The following APOA1 variants were observed in gnomAD, a reference collection of about 807,000 sequenced individuals.
APOA1 encodes the protein apolipoprotein A1.
APOA1 carries 22 observed loss-of-function variants against 25.9 expected under a neutral mutation model. The observed-to-expected ratio is 0.85, with a 90% CI of 0.61 to 1.21. The LOEUF is 1.21. Ranked by LOEUF, APOA1 falls within the 50% of genes most tolerant of loss-of-function variation. The pLI is 0.00. For synonymous variants in APOA1, 163 were observed against 152.2 expected (o/e 1.07, Z -0.52); for missense variants, 351 against 347.9 (o/e 1.01, Z -0.07).
At position 116,837,619 on chromosome 11, in the gene APOA1, C is replaced by T. The variant is rs563005045; in HGVS notation, c.-35G>A. On this transcript the variant is annotated 5_prime_UTR_variant, in exon 1 of 4. Transcript: ENST00000236850. ...GCAGGACGCACCTCCTTCTCGCAGT[C>T]TCTAAGCAGCCAGCTCTTGCAGGGC... The T allele has an allele frequency of 1.6e-4, 99 of 607,186 alleles. No individual in the cohort carries two copies. Among genetic ancestry groups the T allele is most frequent in the South Asian group, 1.6e-3 (82 of 50,628 alleles). The allele number at this position is 607,186 out of a possible 1,614,324, so 37.6% of individuals were successfully genotyped here. A position where few individuals can be genotyped will look rare whatever the true frequency, so the allele number is the denominator to read the frequency against.
intron 3 of APOA1, 58 bp downstream of exon 3, chr11:116,836,943 A>G (rs1941564614): frequency 1.3e-6 from 2 of 1,589,914 alleles, no homozygotes; most frequent in Non-Finnish European, 1.7e-6. Flanking sequence ...TGGCTTCAAC[A>G]TCATCCCACA....
In APOA1 at chr11:116,836,385, C is replaced by T. The variant is rs1226109269; in HGVS notation, c.227G>A (p.Ser76Asn). 1.3e-5 allele frequency: 21 copies of T among 1,613,952 alleles called. No individual in the cohort carries two copies. The highest frequency in any genetic ancestry group is 1.8e-5 in the Non-Finnish European group (21 of 1,180,044). Reference sequence around the variant, plus strand: ...CAGCTTGCTGAAGGTGGAGGTCACGCTGTCCCAGTTGTCAAGGAGCTTTAG... The same window carrying T: ...CAGCTTGCTGAAGGTGGAGGTCACGTTGTCCCAGTTGTCAAGGAGCTTTAG... The part of the protein sequence containing the change: ...LNLKLLDNWD[S>N]VTSTFSKLRE... Residue 76 changes from serine to asparagine, a missense_variant, in exon 4 of 4, where the codon AGC becomes AAC. Coordinates refer to ENST00000236850, the MANE Select transcript of APOA1 (RefSeq NM_000039.3).
Position 116,835,950 on chromosome 11 carries a change from G to C in APOA1, c.662C>G (p.Thr221Ser), listed in dbSNP as rs200394039. ...CTCGCTGAGCGTGCTCAGATGCTCG[G>C]TGGCCTTGGCGTGGTACTCGGCCAG... ...ARLAEYHAKA[T>S]EHLSTLSEKA... Residue 221 changes from threonine (T) to serine (S), a missense_variant, in exon 4 of 4, where the codon ACC (threonine) becomes AGC (serine). Physicochemically the swap from Thr to Ser is moderately conservative, Grantham distance 58. Transcript: ENST00000236850. 1.2e-5 allele frequency: 19 copies of C among 1,612,380 alleles called. 1 individual carries two copies. The African/African-American group carries it at 2.0e-4, about 17-fold the overall frequency.
In APOA1 at chr11:116,836,119, G is replaced by A; in HGVS notation, c.493C>T (p.Leu165=). 1 of 1,612,314 alleles carries A rather than the reference G, an allele frequency of 6.2e-7. No homozygotes were observed. Among genetic ancestry groups the A allele is most frequent in the South Asian group, 1.1e-5 (1 of 91,086 alleles). Residue 165 remains leucine, a synonymous_variant, in exon 4 of 4, where the codon CTG becomes TTG. Coordinates refer to ENST00000236850, the MANE Select transcript of APOA1 (RefSeq NM_000039.3). The part of the protein sequence containing the change: ...RQKLHELQEK[L]SPLGEEMRDR... Reference sequence around the variant, plus strand: ...CGCATCTCCTCGCCCAGTGGGCTCAGCTTCTCTTGCAGCTCGTGCAGCTTC... The same window carrying A: ...CGCATCTCCTCGCCCAGTGGGCTCAACTTCTCTTGCAGCTCGTGCAGCTTC...
In APOA1 at chr11:116,836,132, C is replaced by T. The variant is rs769548576; in HGVS notation, c.480G>A (p.Glu160=). 1.9e-6 allele frequency: 3 copies of T among 1,612,940 alleles called. No individual in the cohort carries two copies. The highest frequency in any genetic ancestry group is 2.7e-5 in the African/African-American group (2 of 75,074). The change falls in exon 4 of 4, where the codon GAG becomes GAA. Residue 160 remains glutamate (E), a synonymous_variant. Coordinates refer to ENST00000236850, the MANE Select transcript of APOA1 (RefSeq NM_000039.3). ...CCAGTGGGCTCAGCTTCTCTTGCAG[C>T]TCGTGCAGCTTCTGGCGCGCGCCCT... is the stretch of plus-strand genomic sequence containing the variant. ...LQEGARQKLH[E]LQEKLSPLGE...
Position 116,836,306 on chromosome 11 carries a change from C to A in APOA1, c.306G>T (p.Glu102Asp). The change falls in exon 4 of 4, where the codon GAG becomes GAT. Residue 102 changes from glutamate to aspartate, a missense_variant. Physicochemically the swap from Glu to Asp is conservative, Grantham distance 45. Coordinates refer to ENST00000236850, the MANE Select transcript of APOA1 (RefSeq NM_000039.3). ...TQEFWDNLEK[E>D]TEGLRQEMSK... ...TCATCTCCTGCCTCAGGCCCTCTGT[C>A]TCCTTTTCCAGGTTATCCCAGAACT... The A allele has an allele frequency of 6.2e-7, 1 of 1,614,216 alleles. No homozygotes were observed. Among genetic ancestry groups the A allele is most frequent in the Non-Finnish European group, 8.5e-7 (1 of 1,180,042 alleles).
Position 116,836,220 on chromosome 11 carries a change from T to C in APOA1, c.392A>G (p.Lys131Arg). 3.1e-6 allele frequency: 5 copies of C among 1,613,166 alleles called. No individual in the cohort carries two copies. Among genetic ancestry groups the C allele is most frequent in the Non-Finnish European group, 4.2e-6 (5 of 1,179,216 alleles). ...VQPYLDDFQK[K>R]WQEEMELYRQ... Reference sequence around the variant, plus strand: ...GTAGAGCTCCATCTCCTCCTGCCACTTCTTCTGGAAGTCGTCCAGGTAGGG... The same window carrying C: ...GTAGAGCTCCATCTCCTCCTGCCACCTCTTCTGGAAGTCGTCCAGGTAGGG... The change falls in exon 4 of 4, where the codon AAG becomes AGG. Residue 131 changes from lysine (K) to arginine (R), a missense_variant. By Grantham distance (26) the Lys-to-Arg change is conservative (BLOSUM62 2). Transcript: ENST00000236850.
chr11:116,836,460 C>T, intron 3 of APOA1, 49 bp from the exon 4 acceptor site: 1 of 1,608,164 alleles, frequency 6.2e-7, no homozygotes. Context: ...AGCGCCCCAG[C>T]CTATCAGGGG....
chr11:116,836,505 G>T, intron 3 of APOA1, 94 bp from the exon 4 acceptor site: 3 of 1,515,468 alleles, frequency 2.0e-6, no homozygotes. Context: ...CGGAGGTGCA[G>T]TGGCCTAGCA....
At position 116,836,010 on chromosome 11, in the gene APOA1, C is replaced by A. The variant is rs753109330; in HGVS notation, c.602G>T (p.Arg201Leu). 1 of 1,607,696 alleles carries A rather than the reference C, an allele frequency of 6.2e-7. No individual in the cohort carries two copies. The highest frequency in any genetic ancestry group is 8.5e-7 in the Non-Finnish European group (1 of 1,179,742). ...GCCGTTCTCCTTGAGAGCCTCAAGG[C>A]GCGCGGCCAAGCGCTGGCGCAGCTC... ...SDELRQRLAA[R>L]LEALKENGGA... Residue 201 changes from arginine to leucine, a missense_variant, in exon 4 of 4, where the codon CGC (arginine) becomes CTC (leucine). Transcript: ENST00000236850.
intron 3 of APOA1, 38 bp downstream of exon 3, chr11:116,836,963 C>A (rs1396000632): frequency 1.2e-6 from 2 of 1,610,516 alleles, no homozygotes; most frequent in Non-Finnish European, 1.7e-6. Flanking sequence ...AGGCCTCTGC[C>A]CCCTACCCCT....
chr11:116,837,374 A>G lies in APOA1; in HGVS notation c.14T>C (p.Val5Ala). The G allele has an allele frequency of 6.4e-7, 1 of 1,561,614 alleles. No homozygotes were observed. Among genetic ancestry groups the G allele is most frequent in the Non-Finnish European group, 8.7e-7 (1 of 1,152,268 alleles). Residue 5 changes from valine (V) to alanine (A), a missense_variant, in exon 2 of 4, where the codon GTG becomes GCG. Val to Ala is a moderately conservative substitution (Grantham distance 64). Transcript: ENST00000236850. ...CAGGAAGAGCACGGCCAAGGTCAGC[A>G]CCGCAGCTTTCATCCTGAAGGGCCG... MKAAVLTLAVLFLTG... is the reference protein window; with the variant it reads MKAAALTLAVLFLTG...
intron 3 of APOA1, 116 bp downstream of exon 3, chr11:116,836,885 A>C: frequency 8.2e-7 from 1 of 1,224,768 alleles, no homozygotes; most frequent in South Asian, 1.2e-5. Context: ...CATCCAGACC[A>C]TCTGTGGGGC....
chr11:116,837,000 C>G lies in APOA1; in HGVS notation c.200+1G>C, dbSNP rs1346940669. On this transcript the variant is annotated splice_donor_variant, in intron 3 of 3. Coordinates refer to ENST00000236850, the MANE Select transcript of APOA1 (RefSeq NM_000039.3). LOFTEE classifies it high-confidence loss of function. ...CCCTCAACCCCAGGCTGGGTCCTTA[C>G]TTTAGCTGTTTTCCCAAGGCGGAGC... 1 of 1,614,132 alleles carries G rather than the reference C, an allele frequency of 6.2e-7. No homozygotes were observed.
chr11:116,837,023 A>C lies in APOA1; in HGVS notation c.178T>G (p.Ser60Ala), dbSNP rs199759119. The change falls in exon 3 of 4, where the codon TCC (serine) becomes GCC (alanine). Residue 60 changes from serine to alanine, a missense_variant. Coordinates refer to ENST00000236850, the MANE Select transcript of APOA1 (RefSeq NM_000039.3). Reference protein sequence around the residue: ...GRDYVSQFEGSALGKQLNLKL... With the variant: ...GRDYVSQFEGAALGKQLNLKL... The stretch of plus-strand genomic sequence containing the variant: ...TACTTTAGCTGTTTTCCCAAGGCGG[A>C]GCCTTCAAACTGGGACACATAGTCT... The C allele has an allele frequency of 6.8e-4, 1,103 of 1,614,034 alleles. 2 individuals carry two copies. The highest frequency in any genetic ancestry group is 8.7e-4 in the Non-Finnish European group (1,025 of 1,180,044).
At position 116,835,815 on chromosome 11, in the gene APOA1, G is replaced by C; in HGVS notation, c.797C>G (p.Thr266Ser). The C allele has an allele frequency of 6.2e-7, 1 of 1,613,110 alleles. No individual in the cohort carries two copies. The highest frequency in any genetic ancestry group is 1.3e-5 in the African/African-American group (1 of 75,082). ...GGGGCGGCGGCGGGCGCCTCACTGG[G>C]TGTTGAGCTTCTTAGTGTACTCCTC... ...ALEEYTKKLN[T>S]Q The change falls in exon 4 of 4, where the codon ACC (threonine) becomes AGC (serine). Residue 266 changes from threonine to serine, a missense_variant. Thr to Ser is a moderately conservative substitution (Grantham distance 58, BLOSUM62 1). Transcript: ENST00000236850.
Position 116,835,821 on chromosome 11 carries a change from A to G in APOA1, c.791T>C (p.Leu264Pro). Reference sequence around the variant, plus strand: ...GCGGCGGGCGCCTCACTGGGTGTTGAGCTTCTTAGTGTACTCCTCGAGAGC... The same window carrying G: ...GCGGCGGGCGCCTCACTGGGTGTTGGGCTTCTTAGTGTACTCCTCGAGAGC... ...LSALEEYTKK[L>P]NTQ Residue 264 changes from leucine to proline, a missense_variant, in exon 4 of 4, where the codon CTC becomes CCC. Leu to Pro is a moderately conservative substitution (Grantham distance 98). Coordinates refer to ENST00000236850, the MANE Select transcript of APOA1 (RefSeq NM_000039.3). The G allele has an allele frequency of 1.2e-6, 2 of 1,613,056 alleles. No homozygotes were observed. Among genetic ancestry groups the G allele is most frequent in the Non-Finnish European group, 1.7e-6 (2 of 1,180,008 alleles).
chr11:116,836,093 G>C lies in APOA1; in HGVS notation c.519C>G (p.Arg173=). The C allele has an allele frequency of 6.2e-7, 1 of 1,607,814 alleles. No individual in the cohort carries two copies. Among genetic ancestry groups the C allele is most frequent in the African/African-American group, 1.3e-5 (1 of 74,946 alleles). ...CGTCCACATGGGCGCGCGCGCGGTCGCGCATCTCCTCGCCCAGTGGGCTCA... is the reference window on the plus strand; with the variant it reads ...CGTCCACATGGGCGCGCGCGCGGTCCCGCATCTCCTCGCCCAGTGGGCTCA... The part of the protein sequence containing the change: ...EKLSPLGEEM[R]DRARAHVDAL... Residue 173 remains arginine, a synonymous_variant, in exon 4 of 4, where the codon CGC becomes CGG. Coordinates refer to ENST00000236850, the MANE Select transcript of APOA1 (RefSeq NM_000039.3).
chr11:116,836,071 C>T lies in APOA1; in HGVS notation c.541G>A (p.Asp181Asn). 6.2e-7 allele frequency: 1 copy of T among 1,605,826 alleles called. No homozygotes were observed. Among genetic ancestry groups the T allele is most frequent in the Non-Finnish European group, 8.5e-7 (1 of 1,178,368 alleles). Residue 181 changes from aspartate (D) to asparagine (N), a missense_variant, in exon 4 of 4, where the codon GAC (aspartate) becomes AAC (asparagine). Coordinates refer to ENST00000236850, the MANE Select transcript of APOA1 (RefSeq NM_000039.3). Reference protein sequence around the residue: ...EMRDRARAHVDALRTHLAPYS... With the variant: ...EMRDRARAHVNALRTHLAPYS... The stretch of plus-strand genomic sequence containing the variant: ...GGGGCCAGATGCGTGCGCAGCGCGT[C>T]CACATGGGCGCGCGCGCGGTCGCGC...
Sources: allele counts gnomAD v4.1 joint callset, GRCh38; gene constraint gnomAD v4.1.1; transcripts MANE v1.5; gene names NCBI Gene and HGNC (gene_info 2026-07-23, HGNC 2026-07-21).